The following CGGBP1 variants were observed in gnomAD, a reference collection of about 807,000 sequenced individuals.
CGGBP1 encodes CGG triplet repeat binding protein 1, also known as CGG triplet repeat-binding protein 1.
In CGGBP1, 4 loss-of-function variants were observed where a neutral mutation model predicts 11.4. That is an observed-to-expected ratio of 0.35 (90% confidence interval 0.17 to 0.80). CGGBP1 has a LOEUF of 0.80. Ranked by LOEUF, CGGBP1 falls within the 30% of genes least tolerant of loss-of-function variation. The pLI is 0.52. For missense variants in CGGBP1, 135 were observed against 202.1 expected (o/e 0.67, Z 2.01); for synonymous variants, 76 against 74.1 (o/e 1.03, Z -0.13).
chr3:88,059,698 C>G (rs1408166505), upstream of CGGBP1, among the ~76,000 whole-genome samples: 23 of 152,074 alleles, frequency 1.5e-4, no homozygotes, highest in Admixed American at 1.5e-3. Flanking sequence ...GGGTGACCCA[C>G]GGGCTTAGGG....
In CGGBP1 at chr3:88,142,746, CTCTGG is replaced by C. The variant is rs762852452; in HGVS notation, c.-337-1673_-337-1669del. 3 of 152,278 alleles carry C rather than the reference CTCTGG, an allele frequency of 2.0e-5. No homozygotes were observed. In the East Asian group the frequency reaches 5.8e-4, roughly 29 times the overall value. 9.4% of individuals were successfully genotyped at this position (152,278 alleles called of 1,614,324 possible). A position where few individuals can be genotyped will look rare whatever the true frequency, so the allele number is the denominator to read the frequency against. On this transcript the variant is annotated intron_variant, in intron 1 of 3. Coordinates refer to the CGGBP1 transcript ENST00000462901. ...TGTTTTTTTAATTCATTAGTGATGA[CTCTGG>C]TCTGAACAGTAATTTTTATATGTAA...
chr3:88,059,594 T>A (rs1706723020), upstream of CGGBP1: 1 of 1,368,946 alleles, frequency 7.3e-7, no homozygotes, highest in Admixed American at 3.1e-5. Context: ...ATCTGGTCTA[T>A]GTCCAGTGCC....
chr3:88,060,806 G>T (rs1260962299), upstream of CGGBP1, among the ~76,000 whole-genome samples: 3 of 151,870 alleles, frequency 2.0e-5, no homozygotes, highest in Non-Finnish European at 4.4e-5. Context: ...TTCTTTCAAT[G>T]CTTGTAAGGG....
intron 2 of CGGBP1, among the ~76,000 whole-genome samples, chr3:88,132,576 G>A (rs1421179123): frequency 6.6e-6 from 1 of 152,132 alleles, no homozygotes; most frequent in African/African-American, 2.4e-5. Flanking sequence ...TCAAAATGGA[G>A]CTTCATAACA....
At chr3:88,121,511 C>T (rs546315481) in intron 2 of CGGBP1, among the ~76,000 whole-genome samples, 7 of 152,100 alleles carry the variant, frequency 4.6e-5, no homozygotes, top group African/African-American at 1.7e-4. Flanking sequence ...TTTATATGGG[C>T]AAGCTCAGAA....
At chr3:88,057,627 T>C (rs1360785548) in intron 2 of CGGBP1, 1 of 152,244 alleles carries the variant, frequency 6.6e-6, no homozygotes, top group Non-Finnish European at 1.5e-5. Flanking sequence ...TTGTGGTAGA[T>C]ATTAAATATT....
At chr3:88,129,667 T>A in intron 2 of CGGBP1, 1 of 1,383,304 alleles carries the variant, frequency 7.2e-7, no homozygotes, top group Non-Finnish European at 9.5e-7. Flanking sequence ...TATGAACTGA[T>A]TTCTCTTTTC....
At chr3:88,134,247 A>ATGG (rs1011728476) in intron 2 of CGGBP1, among the ~76,000 whole-genome samples, 70 of 152,224 alleles carry the variant, frequency 4.6e-4, no homozygotes, top group African/African-American at 1.4e-3. Flanking sequence ...CACCCTCATG[A>ATGG]TGGTAATCAA....
At chr3:88,081,485 CTGTT>C (rs1302010532) in intron 2 of CGGBP1, among the ~76,000 whole-genome samples, 6 of 152,288 alleles carry the variant, frequency 3.9e-5, no homozygotes, top group African/African-American at 1.2e-4. Flanking sequence ...TGGTGCTTCT[CTGTT>C]TGTCTTTTTC....
intron 2 of CGGBP1, among the ~76,000 whole-genome samples, chr3:88,081,743 C>T (rs1186840825): frequency 4.6e-5 from 7 of 152,152 alleles, no homozygotes; most frequent in African/African-American, 1.7e-4. Flanking sequence ...GTTCCAGGCT[C>T]ATCTTGTGTT....
intron 2 of CGGBP1, among the ~76,000 whole-genome samples, chr3:88,138,279 A>C (rs1171288640): frequency 6.6e-6 from 1 of 152,136 alleles, no homozygotes; most frequent in Non-Finnish European, 1.5e-5. Context: ...TTTTAAGCCT[A>C]GTTTATTTCT....
rs375415087 is a variant in CGGBP1, at chr3:88,139,183, A to G, written c.-229+1787T>C. 224 of 1,420,312 alleles carry G rather than the reference A, an allele frequency of 1.6e-4. No individual in the cohort carries two copies. The African/African-American group carries it at 3.0e-3, about 19-fold the overall frequency. 88.0% of individuals were successfully genotyped at this position (1,420,312 alleles called of 1,614,324 possible). A position where few individuals can be genotyped will look rare whatever the true frequency, so the allele number is the denominator to read the frequency against. ...GAAGGGTTTGACTCTCTTACAGATCAGAGCACTGGAGAGACTGATCCTGAT... is the reference window on the plus strand; with the variant it reads ...GAAGGGTTTGACTCTCTTACAGATCGGAGCACTGGAGAGACTGATCCTGAT... On this transcript the variant is annotated intron_variant, in intron 2 of 3. Coordinates refer to the CGGBP1 transcript ENST00000462901.
At chr3:88,063,607 G>T (rs1311725555), upstream of CGGBP1, among the ~76,000 whole-genome samples, 1 of 151,762 alleles carries the variant, frequency 6.6e-6, no homozygotes, top group Non-Finnish European at 1.5e-5. Flanking sequence ...CTATTAATTG[G>T]GATTATTTTT....
chr3:88,082,834 C>T (rs1708150411), intron 2 of CGGBP1, among the ~76,000 whole-genome samples: 1 of 152,110 alleles, frequency 6.6e-6, no homozygotes. Flanking sequence ...GTGGCTTAAA[C>T]AACAGAAATT....
intron 2 of CGGBP1, among the ~76,000 whole-genome samples, chr3:88,102,484 T>G (rs1481962597): frequency 6.6e-6 from 1 of 152,234 alleles, no homozygotes; most frequent in Non-Finnish European, 1.5e-5. Flanking sequence ...ATTTTATTTT[T>G]TATGTGCAAA....
chr3:88,140,447 A>T (rs377345613), intron 2 of CGGBP1: 1 of 1,613,540 alleles, frequency 6.2e-7, no homozygotes, highest in African/African-American at 1.3e-5. Flanking sequence ...AACCAAAGAC[A>T]TGTATAGAAA....
chr3:88,129,137 A>G (rs1431205427), intron 2 of CGGBP1: 3 of 661,382 alleles, frequency 4.5e-6, no homozygotes, highest in Non-Finnish European at 7.4e-6. Context: ...TAAGGATTAC[A>G]TTATCTGGAT....
chr3:88,071,612 GGTGA>G (rs1707516311), intron 2 of CGGBP1, among the ~76,000 whole-genome samples: 2 of 150,724 alleles, frequency 1.3e-5, no homozygotes, highest in Non-Finnish European at 2.9e-5. Flanking sequence ...CTCCAGCCTG[GGTGA>G]CAGAGCGAGA....
At chr3:88,097,429 AG>A (rs754498137) in intron 2 of CGGBP1, among the ~76,000 whole-genome samples, 6 of 152,054 alleles carry the variant, frequency 3.9e-5, no homozygotes, top group Non-Finnish European at 7.4e-5. Context: ...TCAATGAGAC[AG>A]AAGGTTAACA....
Sources: gnomAD v4.1 joint callset for allele counts (sites outside exome capture counted in the v4.1 genomes callset) on GRCh38, gnomAD v4.1.1 for gene constraint, MANE v1.5 for transcripts, NCBI Gene and HGNC (gene_info 2026-07-23, HGNC 2026-07-21) for gene names.